CAPN11: variants seen among roughly 807,000 people sequenced by gnomAD.
CAPN11 encodes calpain 11.
In CAPN11, 108 loss-of-function variants were observed where a neutral mutation model predicts 105.3. The ratio of observed to expected loss-of-function variants is 1.03; its 90% CI spans 0.88 to 1.20. CAPN11 has a LOEUF of 1.20. CAPN11 is among the 50% of genes most tolerant of loss of function. The probability of loss-of-function intolerance (pLI) is 0.00; values close to 1 mark genes in which losing one functional copy is unlikely to be tolerated. For synonymous variants in CAPN11, 329 were observed against 344.5 expected (o/e 0.96, Z 0.50); for missense variants, 883 against 924.8 (o/e 0.95, Z 0.59).
At position 44,173,067 on chromosome 6, in the gene CAPN11, A is replaced by C. The variant is rs1401755660; in HGVS notation, c.656A>C (p.Tyr219Ser). 6.2e-7 allele frequency: 1 copy of C among 1,613,338 alleles called. No individual in the cohort carries two copies. The highest frequency in any genetic ancestry group is 8.5e-7 in the Non-Finnish European group (1 of 1,179,560). The change falls in exon 6 of 23, where the codon TAT becomes TCT. Residue 219 changes from tyrosine (Y) to serine (S), a missense_variant. Coordinates refer to ENST00000398776, the MANE Select transcript of CAPN11 (RefSeq NM_007058.4). ...TGGAGTGCCCTGCTGGAGAAGGCGTATGCCAAGTGAGTGCTGGGAGCTGAG... is the reference window on the plus strand; with the variant it reads ...TGGAGTGCCCTGCTGGAGAAGGCGTCTGCCAAGTGAGTGCTGGGAGCTGAG... ...EFWSALLEKAYAKLSGSYEAL... is the reference protein window; with the variant it reads ...EFWSALLEKASAKLSGSYEAL...
chr6:44,160,721 G>A (rs953993269), intron 1 of CAPN11, among the ~76,000 whole-genome samples: 1 of 152,196 alleles, frequency 6.6e-6, no homozygotes, highest in Non-Finnish European at 1.5e-5. Context: ...AAAGCTTCCT[G>A]TCCATTCATG....
At position 44,181,368 on chromosome 6, in the gene CAPN11, C is replaced by A. The variant is rs191043616; in HGVS notation, c.1938+48C>A. ...CCTCCAGGGGTGAGGAAAAGAGGGT[C>A]TTAGGAGAGATGGAACTAATGAGGG... On this transcript the variant is annotated intron_variant, in intron 19 of 22. Transcript: ENST00000398776. 2.5e-3 allele frequency: 3,808 copies of A among 1,542,068 alleles called. 53 individuals are homozygous for A. Among genetic ancestry groups the A allele is most frequent in the South Asian group, 0.018 (1,589 of 88,572 alleles).
Position 44,180,555 on chromosome 6 carries a change from A to T in CAPN11, c.1681-42A>T, listed in dbSNP as rs371711712. ...AAGGAAGCTCCTGGGCCTGTGAAAG[A>T]AGTTTTCTGACCAGGTCCCTTTCCT... On this transcript the variant is annotated intron_variant, in intron 15 of 22. Transcript: ENST00000398776. The T allele has an allele frequency of 4.3e-6, 7 of 1,613,646 alleles. No homozygotes were observed. The African/African-American group carries it at 9.4e-5, about 22-fold the overall frequency.
chr6:44,160,223 A>T (rs774036489), intron 1 of CAPN11, among the ~76,000 whole-genome samples: 9 of 152,278 alleles, frequency 5.9e-5, no homozygotes, highest in Non-Finnish European at 8.8e-5. Context: ...GATATTAATT[A>T]GCTCAACTGA....
chr6:44,168,903 G>T (rs1227657281), intron 2 of CAPN11: 2 of 441,354 alleles, frequency 4.5e-6, no homozygotes, highest in Non-Finnish European at 9.2e-6. Flanking sequence ...TTACAGGTGT[G>T]AGCCACCACA....
chr6:44,182,047 A>T (rs866041950), intron 19 of CAPN11, among the ~76,000 whole-genome samples: 1 of 25,348 alleles, frequency 3.9e-5, no homozygotes. Flanking sequence ...CACACCACAC[A>T]CACACATACA....
intron 19 of CAPN11, among the ~76,000 whole-genome samples, chr6:44,182,471 C>G (rs936636010): frequency 6.6e-6 from 1 of 152,242 alleles, no homozygotes; most frequent in Non-Finnish European, 1.5e-5. Flanking sequence ...CCAGTGCCCC[C>G]GACAACCCAT....
Position 44,184,122 on chromosome 6 carries a change from G to A in CAPN11, c.*190G>A. 1 of 605,406 alleles carries A rather than the reference G, an allele frequency of 1.7e-6. No homozygotes were observed. 37.5% of individuals were successfully genotyped at this position (605,406 alleles called of 1,614,324 possible). ...TGGGACCTCCGTGCCCACTCCCCCA[G>A]CTCAGAGGCTTTCTCTTTTTTCCCC... is the stretch of plus-strand genomic sequence containing the variant. On this transcript the variant is annotated 3_prime_UTR_variant, in exon 23 of 23. Transcript: ENST00000398776.
rs1340891818 is a variant in CAPN11 at position 44,182,299 on chromosome 6, A to ATACACACTCACATACAGATACAACCACAC, written c.1939-642_1939-641insTACACACTCACATACAGATACAACCACAC. On this transcript the variant is annotated intron_variant, in intron 19 of 22. Coordinates refer to ENST00000398776, the MANE Select transcript of CAPN11 (RefSeq NM_007058.4). The stretch of plus-strand genomic sequence containing the variant: ...ACACAACCACACCACACACACACAC[A>ATACACACTCACATACAGATACAACCACAC]CACACACACACACTCACATACAGAC... 2.3e-4 allele frequency among the ~76,000 whole-genome samples: 34 copies of ATACACACTCACATACAGATACAACCACAC among 146,594 alleles called. 4 individuals are homozygous for ATACACACTCACATACAGATACAACCACAC. Among genetic ancestry groups the ATACACACTCACATACAGATACAACCACAC allele is most frequent in the Non-Finnish European group, 2.4e-4 (16 of 67,096 alleles).
chr6:44,182,895 C>A, intron 19 of CAPN11, 46 bp from the exon 20 acceptor site: 4 of 1,409,294 alleles, frequency 2.8e-6, no homozygotes, highest in Non-Finnish European at 2.0e-6. Flanking sequence ...TTATTTCAAC[C>A]ACCATGCCAT....
intron 14 of CAPN11, 50 bp downstream of exon 14, chr6:44,180,213 G>A (rs1772891272): frequency 7.3e-7 from 1 of 1,363,884 alleles, no homozygotes; most frequent in East Asian, 2.4e-5. Flanking sequence ...AAGAGCTGCA[G>A]GATATCAAGC....
chr6:44,176,338 G>T lies in CAPN11; in HGVS notation c.1001G>T (p.Ser334Ile), dbSNP rs771540735. The T allele has an allele frequency of 4.3e-6, 7 of 1,613,414 alleles. No homozygotes were observed. Among genetic ancestry groups the T allele is most frequent in the Non-Finnish European group, 5.9e-6 (7 of 1,179,426 alleles). ...RIEWNGAWSDSAREWEEVASD... is the reference protein window; with the variant it reads ...RIEWNGAWSDIAREWEEVASD... The stretch of plus-strand genomic sequence containing the variant: ...GAGTGGAATGGAGCTTGGAGTGACA[G>T]GTAGGTGTCCCCAACCCAGGTGAGG... Residue 334 changes from serine (S) to isoleucine (I), a missense_variant and splice_region_variant, in exon 9 of 23, where the codon AGT (serine) becomes ATT (isoleucine). Ser to Ile is a moderately radical substitution (Grantham distance 142, BLOSUM62 -2). Transcript: ENST00000398776.
At chr6:44,182,306 C>CACACACAT (rs1554132531) in intron 19 of CAPN11, among the ~76,000 whole-genome samples, 24 of 66,610 alleles carry the variant, frequency 3.6e-4, no homozygotes, top group Non-Finnish European at 6.5e-4. Context: ...CACACACACA[C>CACACACAT]ACACACTCAC....
chr6:44,181,370 TAGG>T lies in CAPN11; in HGVS notation c.1938+53_1938+55del, dbSNP rs1773108429. ...TCCAGGGGTGAGGAAAAGAGGGTCT[TAGG>T]AGAGATGGAACTAATGAGGGGAAGC... On this transcript the variant is annotated intron_variant, in intron 19 of 22. Coordinates refer to ENST00000398776, the MANE Select transcript of CAPN11 (RefSeq NM_007058.4). 3 of 1,548,896 alleles carry T rather than the reference TAGG, an allele frequency of 1.9e-6. No homozygotes were observed. In the South Asian group the frequency reaches 3.4e-5, roughly 17 times the overall value.
At chr6:44,164,102 T>C (rs962327492) in intron 1 of CAPN11, among the ~76,000 whole-genome samples, 8 of 151,810 alleles carry the variant, frequency 5.3e-5, no homozygotes, top group Admixed American at 1.3e-4. Flanking sequence ...AGCTCAGGAG[T>C]TTGAGGTTGC....
In CAPN11 at chr6:44,180,156, G is replaced by A. The variant is rs552163276; in HGVS notation, c.1633G>A (p.Glu545Lys). The A allele has an allele frequency of 3.0e-4, 478 of 1,609,760 alleles. 5 individuals are homozygous for A. The South Asian group carries it at 4.2e-3, about 14-fold the overall frequency. ...LLRVFTEKHS[E>K]SWELDEVNYA... Reference sequence around the variant, plus strand: ...TCGGGTCTTCACCGAGAAGCACAGCGAGTCATGGTAAGGGGCTGCAGCTCA... The same window carrying A: ...TCGGGTCTTCACCGAGAAGCACAGCAAGTCATGGTAAGGGGCTGCAGCTCA... Residue 545 changes from glutamate to lysine, a missense_variant, in exon 14 of 23, where the codon GAG (glutamate) becomes AAG (lysine). Coordinates refer to ENST00000398776, the MANE Select transcript of CAPN11 (RefSeq NM_007058.4).
intron 1 of CAPN11, chr6:44,161,672 A>G: frequency 2.4e-6 from 1 of 412,544 alleles, no homozygotes; most frequent in Admixed American, 2.5e-5. Flanking sequence ...TGACTAGGGG[A>G]CAGAGGGCTC....
intron 18 of CAPN11, 105 bp downstream of exon 18, chr6:44,181,102 G>T: frequency 8.1e-7 from 1 of 1,236,888 alleles, no homozygotes; most frequent in Non-Finnish European, 1.2e-6. Context: ...ATGGGGATTA[G>T]GCTCTGGGGT....
chr6:44,171,344 C>A (rs1365008956), intron 4 of CAPN11, among the ~76,000 whole-genome samples: 1 of 152,206 alleles, frequency 6.6e-6, no homozygotes, highest in African/African-American at 2.4e-5. Flanking sequence ...CTGCCTCATA[C>A]CCACTTCAAT....
Sources: allele counts gnomAD v4.1 joint callset (sites outside exome capture counted in the v4.1 genomes callset), GRCh38; gene constraint gnomAD v4.1.1; transcripts MANE v1.5; gene names NCBI Gene and HGNC (gene_info 2026-07-23, HGNC 2026-07-21).